MYO9A: variants seen among roughly 807,000 people sequenced by gnomAD.
MYO9A encodes the protein unconventional myosin-IXa.
MYO9A carries 103 observed loss-of-function variants against 293.3 expected under a neutral mutation model. The ratio of observed to expected loss-of-function variants is 0.35; its 90% CI spans 0.30 to 0.41. MYO9A has a LOEUF of 0.41. Ranked by LOEUF, MYO9A falls within the 10% of genes least tolerant of loss-of-function variation. The probability of loss-of-function intolerance (pLI) is 1.00; values close to 1 mark genes in which losing one functional copy is unlikely to be tolerated. For missense variants in MYO9A, 2,685 were observed against 3,033.0 expected (o/e 0.89, Z 2.69); for synonymous variants, 1,001 against 1,035.7 (o/e 0.97, Z 0.64).
intron 39 of MYO9A, among the ~76,000 whole-genome samples, chr15:71,842,809 G>GAGAT (rs2055215767): frequency 6.7e-6 from 1 of 148,920 alleles, no homozygotes; most frequent in African/African-American, 2.5e-5. Context: ...GCAGTGAGCT[G>GAGAT]AGATAGCACC....
In MYO9A at chr15:71,897,265, C is replaced by T. The variant is rs6494976; in HGVS notation, c.5042+196G>A. ...CAGTATTTACTCTGCTATTCATGATCAGTCAAGGATTCCTAGGATATAACT... is the reference window on the plus strand; with the variant it reads ...CAGTATTTACTCTGCTATTCATGATTAGTCAAGGATTCCTAGGATATAACT... On this transcript the variant is annotated intron_variant, in intron 25 of 41. Transcript: ENST00000356056. The T allele has an allele frequency of 0.94, 550,504 of 584,322 alleles. 260,573 individuals carry two copies. Among genetic ancestry groups the T allele is most frequent in the Non-Finnish European group, 0.97 (329,080 of 338,718 alleles). The allele number at this position is 584,322 out of a possible 1,614,324, so 36.2% of individuals were successfully genotyped here. A position where few individuals can be genotyped will look rare whatever the true frequency, so the allele number is the denominator to read the frequency against.
intron 11 of MYO9A, among the ~76,000 whole-genome samples, chr15:71,990,736 G>C (rs560086580): frequency 7.3e-6 from 1 of 137,134 alleles, no homozygotes; most frequent in African/African-American, 2.8e-5. Flanking sequence ...CAGCCTGGGC[G>C]ACAGAGCGAG....
chr15:71,915,433 T>C (rs969886575), intron 19 of MYO9A, among the ~76,000 whole-genome samples: 1 of 151,948 alleles, frequency 6.6e-6, no homozygotes, highest in African/African-American at 2.4e-5. Flanking sequence ...ATTTCTTTTT[T>C]TTTTTTTTTA....
At chr15:72,106,386 G>C (rs1396848546) in intron 1 of MYO9A, among the ~76,000 whole-genome samples, 1 of 152,180 alleles carries the variant, frequency 6.6e-6, no homozygotes, top group Non-Finnish European at 1.5e-5. Flanking sequence ...TAGCTACTCA[G>C]AAGGCTAAGG....
intron 1 of MYO9A, among the ~76,000 whole-genome samples, chr15:72,085,104 C>A (rs2079674243): frequency 1.3e-5 from 2 of 152,082 alleles, no homozygotes; most frequent in South Asian, 4.1e-4. Flanking sequence ...GCTATTAATA[C>A]CTGCAGCTGG....
intron 1 of MYO9A, among the ~76,000 whole-genome samples, chr15:72,099,860 C>A (rs1037032132): frequency 4.1e-5 from 6 of 145,646 alleles, no homozygotes; most frequent in African/African-American, 1.5e-4. Flanking sequence ...CGAGATCGAG[C>A]CACTGCACTC....
Position 72,008,436 on chromosome 15 carries a change from G to GGTGTGTGTGT in MYO9A, c.1254-494_1254-485dup, listed in dbSNP as rs57267628. On this transcript the variant is annotated intron_variant, in intron 7 of 41. Coordinates refer to ENST00000356056, the MANE Select transcript of MYO9A (RefSeq NM_006901.4). ...CATAGTATGGTGTTTGAGGTAAATG[G>GGTGTGTGTGT]GTGTGTGTGTGTGTGTGTGTGTGTG... 6.3e-3 allele frequency among the ~76,000 whole-genome samples: 869 copies of GGTGTGTGTGT among 138,806 alleles called. 6 individuals carry two copies. Among genetic ancestry groups the GGTGTGTGTGT allele is most frequent in the African/African-American group, 0.012 (433 of 37,184 alleles). 91.1% of individuals were successfully genotyped at this position (138,806 alleles called of 152,430 possible).
chr15:72,017,811 T>C (rs1401700572), intron 6 of MYO9A, among the ~76,000 whole-genome samples: 1 of 152,168 alleles, frequency 6.6e-6, no homozygotes, highest in African/African-American at 2.4e-5. Flanking sequence ...AATTCATTAA[T>C]TAATAGACAT....
At chr15:72,041,105 T>G in intron 2 of MYO9A, 1 of 538,386 alleles carries the variant, frequency 1.9e-6, no homozygotes, top group Non-Finnish European at 3.5e-6. Flanking sequence ...ATTAGCCAGG[T>G]GTGGTGGTAC....
chr15:72,011,924 T>C lies in MYO9A; in HGVS notation c.1156-1477A>G, dbSNP rs78155601. Among the ~76,000 whole-genome samples, 680 of 152,324 alleles carry C rather than the reference T, an allele frequency of 4.5e-3. 4 individuals are homozygous for C. The highest frequency in any genetic ancestry group is 0.01 in the Middle Eastern group (3 of 294). ...TGCCAAAAACAAGTCATTATTTAGG[T>C]AAATACATAGTCATTGAATTATTGA... On this transcript the variant is annotated intron_variant, in intron 6 of 41. Coordinates refer to ENST00000356056, the MANE Select transcript of MYO9A (RefSeq NM_006901.4).
In MYO9A at chr15:71,897,583, G is replaced by A. The variant is rs769227422; in HGVS notation, c.4920C>T (p.Arg1640=). ...LNVACKLSNN[R]ISKREHFRPT... is the part of the protein sequence containing the mutation. ...GCCTAAAGTGTTCTCTTTTTGAAAT[G>A]CGATTATTTGAGAGTTTACAGGCTA... The change falls in exon 25 of 42, where the codon CGC becomes CGT. Residue 1640 remains arginine (R), a synonymous_variant. Coordinates refer to ENST00000356056, the MANE Select transcript of MYO9A (RefSeq NM_006901.4). The A allele has an allele frequency of 6.2e-7, 1 of 1,614,036 alleles. No homozygotes were observed. The highest frequency in any genetic ancestry group is 8.5e-7 in the Non-Finnish European group (1 of 1,180,014).
intron 32 of MYO9A, among the ~76,000 whole-genome samples, chr15:71,864,644 T>C (rs1345709411): frequency 1.3e-5 from 2 of 152,192 alleles, no homozygotes; most frequent in Non-Finnish European, 2.9e-5. Context: ...GAATTCTATT[T>C]AGCATTAAAG....
chr15:71,952,532 T>A (rs2059075619), intron 14 of MYO9A, among the ~76,000 whole-genome samples: 1 of 152,124 alleles, frequency 6.6e-6, no homozygotes. Context: ...AGAGAGCACA[T>A]TCAAGTAAAG....
chr15:71,989,376 G>T (rs1209928206), intron 11 of MYO9A, among the ~76,000 whole-genome samples: 1 of 152,152 alleles, frequency 6.6e-6, no homozygotes, highest in South Asian at 2.1e-4. Context: ...CAAGCATACA[G>T]TTGGCCCTCC....
intron 1 of MYO9A, among the ~76,000 whole-genome samples, chr15:72,062,690 T>C (rs1017246795): frequency 6.6e-6 from 1 of 152,088 alleles, no homozygotes; most frequent in Admixed American, 6.5e-5. Context: ...GAATAAAGCC[T>C]ACAAGATCTA....
chr15:71,960,486 T>C (rs1170045852), intron 13 of MYO9A: 1 of 181,284 alleles, frequency 5.5e-6, no homozygotes, highest in East Asian at 1.4e-4. Context: ...CTCTGCTTCC[T>C]GTACAGCCTG....
At chr15:72,080,903 T>C (rs976347121) in intron 1 of MYO9A, among the ~76,000 whole-genome samples, 22 of 152,312 alleles carry the variant, frequency 1.4e-4, no homozygotes, top group African/African-American at 5.3e-4. Context: ...TTGTTCTTTT[T>C]GATGGCTACA....
chr15:71,894,579 A>T (rs1289423195), intron 25 of MYO9A, among the ~76,000 whole-genome samples: 2 of 152,216 alleles, frequency 1.3e-5, no homozygotes, highest in African/African-American at 2.4e-5. Flanking sequence ...AACTGTCTCA[A>T]AAAAACCAAA....
intron 18 of MYO9A, among the ~76,000 whole-genome samples, chr15:71,929,971 C>G (rs190463387): frequency 1.3e-5 from 2 of 152,140 alleles, no homozygotes; most frequent in Admixed American, 1.3e-4. Flanking sequence ...GAGGTATTCT[C>G]TCCAGTTCAA....
Sources: gnomAD v4.1 joint callset for allele counts (sites outside exome capture counted in the v4.1 genomes callset) on GRCh38, gnomAD v4.1.1 for gene constraint, MANE v1.5 for transcripts, NCBI Gene and HGNC (gene_info 2026-07-23, HGNC 2026-07-21) for gene names.